Variants in ZFYVE1 observed in about 807,000 individuals in gnomAD.
ZFYVE1 encodes the protein zinc finger FYVE domain-containing protein 1.
ZFYVE1 carries 30 observed loss-of-function variants against 74.4 expected under a neutral mutation model. The ratio of observed to expected loss-of-function variants is 0.40; its 90% CI spans 0.30 to 0.55. ZFYVE1 has a LOEUF of 0.55. Among genes scored for constraint, ZFYVE1 ranks in the 20% least tolerant of loss-of-function variants. ZFYVE1 has a pLI of 0.42. For synonymous variants in ZFYVE1, 335 were observed against 385.1 expected, an observed-to-expected ratio of 0.87 and a Z score of 1.52; for missense variants, 703 against 1,011.6, an observed-to-expected ratio of 0.69 and a Z score of 4.14.
At position 72,998,165 on chromosome 14, in the gene ZFYVE1, G is replaced by C. The variant is rs763614621; in HGVS notation, c.634C>G (p.Pro212Ala). The stretch of plus-strand genomic sequence containing the variant: ...CCCACAGTGCAGGACTCCTGGGTCG[G>C]GGAGGTTTTAAAGACTTCACGACCA... ...FYGREVFKTS[P>A]TQESCTVGVW... The change falls in exon 3 of 12, where the codon CCG becomes GCG. Residue 212 changes from proline (P) to alanine (A), a missense_variant. By Grantham distance (27) the Pro-to-Ala change is conservative. Coordinates refer to ENST00000556143, the MANE Select transcript of ZFYVE1 (RefSeq NM_021260.4). 3.1e-6 allele frequency: 5 copies of C among 1,613,890 alleles called. No homozygotes were observed. The highest frequency in any genetic ancestry group is 4.2e-6 in the Non-Finnish European group (5 of 1,179,992).
At chr14:72,985,867 C>T (rs181701060) in intron 4 of ZFYVE1, among the ~76,000 whole-genome samples, 1 of 152,314 alleles carries the variant, frequency 6.6e-6, no homozygotes, top group Admixed American at 6.5e-5. Flanking sequence ...CCTGCCTCAG[C>T]CTTCCAAACT....
At chr14:73,018,341 G>A (rs1894242207) in intron 2 of ZFYVE1, among the ~76,000 whole-genome samples, 1 of 146,772 alleles carries the variant, frequency 6.8e-6, no homozygotes, top group Non-Finnish European at 1.5e-5. Context: ...GGAGGAAGGA[G>A]AATCGCTTGA....
chr14:73,015,280 GGAAGGAAGGAAGGAAA>G (rs1167984572), intron 2 of ZFYVE1, among the ~76,000 whole-genome samples: 6 of 84,280 alleles, frequency 7.1e-5, no homozygotes, highest in African/African-American at 1.0e-4. Flanking sequence ...AAGGAAGGAA[GGAAGGAAGGAAGGAAA>G]GAAGGGAGGG....
At chr14:72,973,492 AAAAC>A (rs146630567) in intron 11 of ZFYVE1, among the ~76,000 whole-genome samples, 67 of 151,782 alleles carry the variant, frequency 4.4e-4, no homozygotes, top group African/African-American at 7.3e-4. Flanking sequence ...CCATCTCAAA[AAAAC>A]AAACAAACAA....
chr14:72,997,578 T>G (rs1893776767), intron 3 of ZFYVE1, among the ~76,000 whole-genome samples: 3 of 152,206 alleles, frequency 2.0e-5, no homozygotes, highest in African/African-American at 7.2e-5. Context: ...TCCAGATCAC[T>G]AAGGACTTAT....
chr14:73,007,037 A>G (rs1264073999), intron 2 of ZFYVE1, among the ~76,000 whole-genome samples: 3 of 151,996 alleles, frequency 2.0e-5, no homozygotes, highest in Admixed American at 6.6e-5. Context: ...AGAATAGTTC[A>G]TGGTAGTGAA....
In ZFYVE1 at chr14:72,997,987, C is replaced by T; in HGVS notation, c.812G>A (p.Arg271Gln). The T allele has an allele frequency of 6.2e-7, 1 of 1,614,042 alleles. No homozygotes were observed. Among genetic ancestry groups the T allele is most frequent in the Non-Finnish European group, 8.5e-7 (1 of 1,180,008 alleles). Residue 271 changes from arginine to glutamine, a missense_variant, in exon 3 of 12, where the codon CGG (arginine) becomes CAG (glutamine). Transcript: ENST00000556143. ...DLVIYRTHAD[R>Q]LHNDLFKFLG... is the part of the protein sequence containing the mutation. The stretch of plus-strand genomic sequence containing the variant: ...GAATTTGAAGAGGTCGTTATGCAGC[C>T]GGTCTGCATGAGTTCGATAGATGAC...
At chr14:72,971,136 AG>A in intron 11 of ZFYVE1, 22 bp from the exon 12 acceptor site, 1 of 1,613,366 alleles carries the variant, frequency 6.2e-7, no homozygotes. Flanking sequence ...AACAATGGTC[AG>A]GGCACCCAAA....
chr14:72,989,097 T>G (rs1328353454), intron 4 of ZFYVE1, among the ~76,000 whole-genome samples: 1 of 151,908 alleles, frequency 6.6e-6, no homozygotes, highest in Non-Finnish European at 1.5e-5. Flanking sequence ...CCAGCTAATT[T>G]TTGTATTTTT....
chr14:73,025,006 T>G (rs560776395), intron 1 of ZFYVE1, 64 bp from the exon 2 acceptor site: 2 of 152,132 alleles, frequency 1.3e-5, no homozygotes, highest in East Asian at 3.9e-4. Flanking sequence ...TTTAAAAAAA[T>G]TTTTTTTGAC....
At chr14:72,984,389 C>T (rs957035203) in intron 4 of ZFYVE1, among the ~76,000 whole-genome samples, 3 of 151,852 alleles carry the variant, frequency 2.0e-5, no homozygotes, top group African/African-American at 7.3e-5. Flanking sequence ...ATTAGCTGGG[C>T]GTGGTGGCGG....
At chr14:72,993,737 T>C (rs763841224) in intron 3 of ZFYVE1, among the ~76,000 whole-genome samples, 1 of 151,362 alleles carries the variant, frequency 6.6e-6, no homozygotes, top group Non-Finnish European at 1.5e-5. Context: ...AAAAGTAAGA[T>C]ACGAGGCTGG....
In ZFYVE1 at chr14:72,974,201, C is replaced by T; in HGVS notation, c.1988-8G>A. Reference sequence around the variant, plus strand: ...CTTGTGCCTCGGTAACAGCTGTAGACAGTAATAAAGGAAATGCTGTCACCT... The same window carrying T: ...CTTGTGCCTCGGTAACAGCTGTAGATAGTAATAAAGGAAATGCTGTCACCT... On this transcript the variant is annotated splice_region_variant and splice_polypyrimidine_tract_variant and intron_variant, in intron 10 of 11. Coordinates refer to ENST00000556143, the MANE Select transcript of ZFYVE1 (RefSeq NM_021260.4). 6.2e-7 allele frequency: 1 copy of T among 1,613,374 alleles called. No homozygotes were observed. The highest frequency in any genetic ancestry group is 8.5e-7 in the Non-Finnish European group (1 of 1,179,378).
chr14:73,011,027 G>C (rs1894081096), intron 2 of ZFYVE1, among the ~76,000 whole-genome samples: 1 of 151,680 alleles, frequency 6.6e-6, no homozygotes, highest in Non-Finnish European at 1.5e-5. Context: ...AAAAGAAAAA[G>C]AAAAACCAAG....
At chr14:73,017,398 C>A (rs1413496653) in intron 2 of ZFYVE1, among the ~76,000 whole-genome samples, 1 of 152,178 alleles carries the variant, frequency 6.6e-6, no homozygotes, top group Non-Finnish European at 1.5e-5. Context: ...TTGTGACAAC[C>A]AAAGATGTCT....
chr14:72,976,511 G>A (rs1284836783), intron 8 of ZFYVE1, among the ~76,000 whole-genome samples: 1 of 152,164 alleles, frequency 6.6e-6, no homozygotes, highest in Admixed American at 6.5e-5. Context: ...TCGGCCGGGT[G>A]CGATGGCTCA....
intron 4 of ZFYVE1, among the ~76,000 whole-genome samples, chr14:72,983,848 T>C (rs61986498): frequency 0.13 from 19,632 of 152,180 alleles, 1,570 homozygotes; most frequent in East Asian, 0.2. Context: ...CTCTCCAGTA[T>C]CTGTTGTTTC....
intron 4 of ZFYVE1, among the ~76,000 whole-genome samples, chr14:72,985,924 T>G (rs967611818): frequency 1.3e-5 from 2 of 152,168 alleles, no homozygotes; most frequent in Non-Finnish European, 2.9e-5. Flanking sequence ...AGAATAGCAA[T>G]TTTTAGCCGC....
At chr14:72,974,271 C>A in intron 10 of ZFYVE1, 78 bp from the exon 11 acceptor site, 1 of 1,350,160 alleles carries the variant, frequency 7.4e-7, no homozygotes, top group Non-Finnish European at 1.1e-6. Context: ...AATAGCAGAA[C>A]GCTTCTGGAT....
Sources: gnomAD v4.1 joint callset for allele counts (sites outside exome capture counted in the v4.1 genomes callset) on GRCh38, gnomAD v4.1.1 for gene constraint, MANE v1.5 for transcripts, NCBI Gene and HGNC (gene_info 2026-07-23, HGNC 2026-07-21) for gene names.